Variants in ANO6 observed in about 807,000 individuals in gnomAD.
ANO6 encodes anoctamin 6.
A neutral mutation model predicts 117.5 loss-of-function variants in ANO6; 106 were observed. The observed-to-expected ratio is 0.90, with a 90% confidence interval of 0.77 to 1.06. The LOEUF (loss-of-function observed/expected upper bound fraction) is 1.06, where lower values mean the gene tolerates loss of function less well. Ranked by LOEUF, ANO6 falls within the 50% of genes least tolerant of loss-of-function variation. ANO6 has a pLI of 0.00. For missense variants in ANO6, 955 were observed against 1,121.1 expected, an observed-to-expected ratio of 0.85 and a Z score of 2.12; for synonymous variants, 367 against 385.1, an observed-to-expected ratio of 0.95 and a Z score of 0.55.
chr12:45,403,944 C>T (rs1301916496), intron 15 of ANO6, among the ~76,000 whole-genome samples: 2 of 152,008 alleles, frequency 1.3e-5, no homozygotes, highest in African/African-American at 4.8e-5. Flanking sequence ...GTATGAATTC[C>T]AGTCACTATA....
chr12:45,247,026 G>C (rs1947836277), intron 1 of ANO6, among the ~76,000 whole-genome samples: 1 of 152,002 alleles, frequency 6.6e-6, no homozygotes, highest in South Asian at 2.1e-4. Flanking sequence ...CCGCCTCCTG[G>C]GCGATTCTCC....
intron 12 of ANO6, 40 bp from the exon 13 acceptor site, chr12:45,401,755 A>G (rs1942793210): frequency 6.6e-7 from 1 of 1,510,532 alleles, no homozygotes; most frequent in Non-Finnish European, 9.2e-7. Flanking sequence ...AAGTGCAGTT[A>G]TTGGTGAGTC....
At chr12:45,268,982 C>G (rs1438546094) in intron 1 of ANO6, among the ~76,000 whole-genome samples, 1 of 152,180 alleles carries the variant, frequency 6.6e-6, no homozygotes, top group African/African-American at 2.4e-5. Context: ...TACTGCTAAT[C>G]AAGATTTATG....
intron 2 of ANO6, among the ~76,000 whole-genome samples, chr12:45,323,146 G>A (rs1336802574): frequency 5.3e-5 from 8 of 152,176 alleles, no homozygotes; most frequent in Non-Finnish European, 8.8e-5. Context: ...AGGAGAAGGG[G>A]AGAATACAAT....
In ANO6 at chr12:45,298,711, A is replaced by C. The variant is rs75052788; in HGVS notation, c.71-3303A>C. On this transcript the variant is annotated intron_variant, in intron 1 of 19. Transcript: ENST00000320560. ...ATTAGTTTCCATTACCAGCAGACTAACTAAAACTATAAATAGTTCTAATTT... is the reference window on the plus strand; with the variant it reads ...ATTAGTTTCCATTACCAGCAGACTACCTAAAACTATAAATAGTTCTAATTT... Among the ~76,000 whole-genome samples, 917 of 152,340 alleles carry C rather than the reference A, an allele frequency of 6.0e-3. 13 individuals are homozygous for C. Among genetic ancestry groups the C allele is most frequent in the African/African-American group, 0.021 (871 of 41,564 alleles).
At chr12:45,270,148 G>A (rs1938347715) in intron 1 of ANO6, among the ~76,000 whole-genome samples, 1 of 152,208 alleles carries the variant, frequency 6.6e-6, no homozygotes, top group African/African-American at 2.4e-5. Flanking sequence ...CTGCAGATTA[G>A]CATCATCTGG....
At chr12:45,231,706 T>G (rs1947576976) in intron 1 of ANO6, among the ~76,000 whole-genome samples, 1 of 152,216 alleles carries the variant, frequency 6.6e-6, no homozygotes. Flanking sequence ...TCCATTTAAA[T>G]TTAAATAGTA....
At position 45,377,165 on chromosome 12, in the gene ANO6, G is replaced by C. The variant is rs149091698; in HGVS notation, c.1105-888G>C. ...AAGGTTTTTTTTTTTTTTACCTATAGCTTTTCTACCCAGTCCCTGTCCTTT... is the reference window on the plus strand; with the variant it reads ...AAGGTTTTTTTTTTTTTTACCTATACCTTTTCTACCCAGTCCCTGTCCTTT... On this transcript the variant is annotated intron_variant, in intron 9 of 19. Transcript: ENST00000320560. Among the ~76,000 whole-genome samples, 706 of 149,116 alleles carry C rather than the reference G, an allele frequency of 4.7e-3. 7 individuals are homozygous for C. Among genetic ancestry groups the C allele is most frequent in the African/African-American group, 0.016 (653 of 40,612 alleles).
intron 2 of ANO6, among the ~76,000 whole-genome samples, chr12:45,320,869 G>A (rs1940241095): frequency 6.6e-6 from 1 of 152,138 alleles, no homozygotes; most frequent in African/African-American, 2.4e-5. Flanking sequence ...TTACCATTAT[G>A]TAATGGCCTT....
intron 9 of ANO6, among the ~76,000 whole-genome samples, chr12:45,373,109 CAAAG>C (rs1257009115): frequency 7.0e-4 from 107 of 151,948 alleles, no homozygotes; most frequent in African/African-American, 1.4e-3. Flanking sequence ...TCAAAAGAGA[CAAAG>C]AAGGCCATTA....
At chr12:45,225,634 A>G (rs11182922) in intron 1 of ANO6, among the ~76,000 whole-genome samples, 25,032 of 151,908 alleles carry the variant, frequency 0.16, 3,178 homozygotes, top group East Asian at 0.37. Flanking sequence ...GACTACAGGC[A>G]CCCACCACCA....
At chr12:45,344,329 G>A (rs13378014) in intron 3 of ANO6, among the ~76,000 whole-genome samples, 12,153 of 152,204 alleles carry the variant, frequency 0.08, 704 homozygotes, top group East Asian at 0.32. Context: ...TATGTGTTAG[G>A]CATTGTATTA....
At chr12:45,375,531 AGCCCTCAGAAATAAC>A (rs1355029083) in intron 9 of ANO6, among the ~76,000 whole-genome samples, 6 of 152,242 alleles carry the variant, frequency 3.9e-5, no homozygotes, top group Non-Finnish European at 7.3e-5. Context: ...AACAGAACAG[AGCCCTCAGAAATAAC>A]GCCACATATC....
intron 1 of ANO6, among the ~76,000 whole-genome samples, chr12:45,272,201 CT>C (rs948671091): frequency 2.8e-4 from 39 of 139,954 alleles, no homozygotes; most frequent in South Asian, 4.6e-4. Flanking sequence ...TTTTTCTTTT[CT>C]TTTTTTTTTG....
rs117913659 is a variant in ANO6 at position 45,402,783 on chromosome 12, T to A, written c.1613-289T>A. Among the ~76,000 whole-genome samples the A allele has an allele frequency of 4.0e-3, 616 of 152,340 alleles. 5 individuals carry two copies. Among genetic ancestry groups the A allele is most frequent in the Non-Finnish European group, 4.9e-3 (335 of 68,036 alleles). ...CAATTATACCCATGGCAGTTCTTAT[T>A]TGATAACACTGGACTTGTAAATTTT... On this transcript the variant is annotated intron_variant, in intron 13 of 19. Transcript: ENST00000320560.
intron 2 of ANO6, among the ~76,000 whole-genome samples, chr12:45,312,719 A>C (rs4768603): frequency 0.84 from 127,285 of 151,912 alleles, 54,575 homozygotes; most frequent in Non-Finnish European, 0.94. Context: ...TCAAAAGGAA[A>C]AAGTGTTTAC....
At chr12:45,411,939 A>G (rs1943097348) in intron 16 of ANO6, among the ~76,000 whole-genome samples, 1 of 148,296 alleles carries the variant, frequency 6.7e-6, no homozygotes, top group Non-Finnish European at 1.5e-5. Flanking sequence ...CCTTATACTC[A>G]TAAACATTTA....
intron 8 of ANO6, among the ~76,000 whole-genome samples, chr12:45,367,023 C>G (rs546114420): frequency 2.0e-5 from 3 of 152,084 alleles, no homozygotes; most frequent in Non-Finnish European, 4.4e-5. Context: ...ACTCTGTCAC[C>G]CAGGCTGGAG....
Position 45,216,383 on chromosome 12 carries a change from G to A in ANO6, c.62G>A (p.Gly21Glu). The A allele has an allele frequency of 1.2e-6, 2 of 1,612,474 alleles. No homozygotes were observed. The highest frequency in any genetic ancestry group is 1.1e-5 in the South Asian group (1 of 90,842). Reference sequence around the variant, plus strand: ...GAGGAGGAGGAGGACGACGACGATGGGGATATCGGTGAGCGAGGGGTCCCC... The same window carrying A: ...GAGGAGGAGGAGGACGACGACGATGAGGATATCGGTGAGCGAGGGGTCCCC... ...QMEEEEDDDD[G>E]DIVLENLGQT... is the part of the protein sequence containing the mutation. Residue 21 changes from glycine (G) to glutamate (E), a missense_variant, in exon 1 of 20, where the codon GGG (glycine) becomes GAG (glutamate). Gly to Glu is a moderately conservative substitution (Grantham distance 98, BLOSUM62 -2). Coordinates refer to ENST00000320560, the MANE Select transcript of ANO6 (RefSeq NM_001025356.3).
Sources: gnomAD v4.1 joint callset for allele counts (sites outside exome capture counted in the v4.1 genomes callset) on GRCh38, gnomAD v4.1.1 for gene constraint, MANE v1.5 for transcripts, NCBI Gene and HGNC (gene_info 2026-07-23, HGNC 2026-07-21) for gene names.